Variants in CNBD1 observed in about 807,000 individuals in gnomAD.
The protein encoded by CNBD1 is cyclic nucleotide-binding domain-containing protein 1.
In CNBD1, 71 loss-of-function variants were observed where a neutral mutation model predicts 54.4. The ratio of observed to expected loss-of-function variants is 1.30; its 90% confidence interval spans 1.08 to 1.59. The LOEUF is 1.59. Among genes scored for constraint, CNBD1 ranks in the 40% most tolerant of loss-of-function variants. CNBD1 has a pLI of 0.00. For synonymous variants in CNBD1, 182 were observed against 170.7 expected (o/e 1.07, Z -0.51); for missense variants, 659 against 518.0 (o/e 1.27, Z -2.64).
intron 4 of CNBD1, among the ~76,000 whole-genome samples, chr8:86,994,333 G>T (rs539579863): frequency 1.2e-4 from 18 of 152,368 alleles, no homozygotes; most frequent in Middle Eastern, 6.8e-3. Context: ...TGCACAAAAG[G>T]CCCTGGTAGG....
intron 2 of CNBD1, among the ~76,000 whole-genome samples, chr8:86,888,488 C>A (rs79297269): frequency 1.5e-3 from 227 of 152,036 alleles, no homozygotes; most frequent in African/African-American, 5.3e-3. Flanking sequence ...AGCCACTTAC[C>A]CTCTGTGTGA....
At chr8:87,117,780 T>A (rs889963565) in intron 4 of CNBD1, among the ~76,000 whole-genome samples, 1 of 152,180 alleles carries the variant, frequency 6.6e-6, no homozygotes, top group Non-Finnish European at 1.5e-5. Flanking sequence ...ACTCCAAATA[T>A]TTGGCTAAAA....
At chr8:86,902,300 G>A (rs542748400) in intron 2 of CNBD1, among the ~76,000 whole-genome samples, 20 of 151,964 alleles carry the variant, frequency 1.3e-4, no homozygotes, top group African/African-American at 4.6e-4. Flanking sequence ...TGGGAGTTGG[G>A]GGGGGAGCCA....
chr8:86,925,996 A>G (rs1809353894), intron 3 of CNBD1, among the ~76,000 whole-genome samples: 1 of 152,114 alleles, frequency 6.6e-6, no homozygotes, highest in Non-Finnish European at 1.5e-5. Flanking sequence ...TGGGGTGACC[A>G]GCTTTTATTC....
intron 2 of CNBD1, among the ~76,000 whole-genome samples, chr8:87,410,227 C>G (rs1586085357): frequency 1.3e-5 from 2 of 152,066 alleles, no homozygotes; most frequent in Non-Finnish European, 2.9e-5. Flanking sequence ...TGCCTGCTAC[C>G]ACAACATTTA....
chr8:87,359,566 G>C (rs765322748), intron 10 of CNBD1, among the ~76,000 whole-genome samples: 1 of 151,950 alleles, frequency 6.6e-6, no homozygotes, highest in African/African-American at 2.4e-5. Flanking sequence ...GGTTAATTTT[G>C]CTGAAATAAT....
intron 4 of CNBD1, among the ~76,000 whole-genome samples, chr8:86,955,332 C>A (rs1807737015): frequency 6.6e-6 from 1 of 152,122 alleles, no homozygotes. Flanking sequence ...ATTGATAATC[C>A]TTTGGGTATA....
chr8:87,282,609 A>G, intron 6 of CNBD1, among the ~76,000 whole-genome samples: 1 of 151,924 alleles, frequency 6.6e-6, no homozygotes, highest in East Asian at 1.9e-4. Flanking sequence ...CAACTAAAAT[A>G]ATTGGTGTGT....
chr8:87,165,849 G>A (rs2943164), intron 4 of CNBD1, among the ~76,000 whole-genome samples: 29,696 of 151,514 alleles, frequency 0.2, 3,418 homozygotes, highest in Admixed American at 0.27. Context: ...TTTATTTGCC[G>A]TCATATATAA....
rs78268647 is a variant in CNBD1 at position 87,405,800 on chromosome 8, G to T, written c.214-22746G>T. On this transcript the variant is annotated intron_variant, in intron 2 of 7. Coordinates refer to the CNBD1 transcript ENST00000521593. ...AGTATTCTGTGGCTAATACACCCTG[G>T]TCACTGTTTTAGAGATTCTGAAACC... 5.2e-3 allele frequency among the ~76,000 whole-genome samples: 787 copies of T among 152,196 alleles called. 7 individuals are homozygous for T. Among genetic ancestry groups the T allele is most frequent in the African/African-American group, 0.018 (751 of 41,546 alleles).
At chr8:87,393,256 T>C (rs530404970) in intron 2 of CNBD1, among the ~76,000 whole-genome samples, 1 of 151,826 alleles carries the variant, frequency 6.6e-6, no homozygotes, top group South Asian at 2.1e-4. Flanking sequence ...TAATTTACTC[T>C]GACTGGACTC....
At chr8:87,271,443 A>T (rs947998644) in intron 6 of CNBD1, among the ~76,000 whole-genome samples, 1 of 151,956 alleles carries the variant, frequency 6.6e-6, no homozygotes, top group Non-Finnish European at 1.5e-5. Context: ...AATATGTTGC[A>T]TGTCAATTTT....
At chr8:87,033,818 G>A (rs1266919446) in intron 4 of CNBD1, among the ~76,000 whole-genome samples, 2 of 152,040 alleles carry the variant, frequency 1.3e-5, no homozygotes, top group Admixed American at 6.6e-5. Context: ...TTAACTTGAC[G>A]TTTTTTAAGC....
At chr8:87,225,008 G>A (rs1814445517) in intron 5 of CNBD1, among the ~76,000 whole-genome samples, 1 of 152,014 alleles carries the variant, frequency 6.6e-6, no homozygotes, top group South Asian at 2.1e-4. Flanking sequence ...TGAAGCAATT[G>A]TGAATGGGAG....
intron 3 of CNBD1, among the ~76,000 whole-genome samples, chr8:86,916,650 T>C (rs1344114979): frequency 2.0e-5 from 3 of 152,144 alleles, no homozygotes; most frequent in African/African-American, 7.2e-5. Flanking sequence ...CAGGTTTTTT[T>C]CTATCTTTTG....
intron 6 of CNBD1, among the ~76,000 whole-genome samples, chr8:87,256,019 T>A (rs1457983126): frequency 0.033 from 769 of 23,154 alleles, 2 homozygotes; most frequent in Non-Finnish European, 0.053. Flanking sequence ...ATATATATTT[T>A]TTTTTTTTTT....
intron 8 of CNBD1, among the ~76,000 whole-genome samples, chr8:87,339,493 C>CT (rs1317624487): frequency 1.3e-5 from 2 of 152,186 alleles, no homozygotes; most frequent in East Asian, 3.9e-4. Context: ...TGTGACCTCA[C>CT]TTTTTTTAAG....
chr8:86,929,099 G>A (rs13269333), intron 3 of CNBD1, among the ~76,000 whole-genome samples: 65,286 of 152,078 alleles, frequency 0.43, 17,145 homozygotes, highest in South Asian at 0.63. Flanking sequence ...CAATTTTGGC[G>A]TCAGCGTCTG....
At chr8:87,036,261 T>C (rs978172899) in intron 4 of CNBD1, among the ~76,000 whole-genome samples, 5 of 152,186 alleles carry the variant, frequency 3.3e-5, no homozygotes, top group Admixed American at 2.6e-4. Context: ...TTTAAAAAAT[T>C]AAATCTCTAT....
Sources: gnomAD v4.1 joint callset for allele counts (sites outside exome capture counted in the v4.1 genomes callset) on GRCh38, gnomAD v4.1.1 for gene constraint, MANE v1.5 for transcripts, NCBI Gene and HGNC (gene_info 2026-07-23, HGNC 2026-07-21) for gene names.